The following ELMO2 variants were observed in gnomAD, a reference collection of about 807,000 sequenced individuals.
ELMO2 encodes engulfment and cell motility protein 2.
In ELMO2, 37 loss-of-function variants were observed where a neutral mutation model predicts 96.2. That is an observed-to-expected ratio of 0.38 (90% CI 0.30 to 0.51). The LOEUF (loss-of-function observed/expected upper bound fraction) is 0.51, where lower values mean the gene tolerates loss of function less well. ELMO2 is among the 20% of genes least tolerant of loss of function. ELMO2 has a pLI of 0.88. For missense variants in ELMO2, 561 were observed against 912.6 expected, an observed-to-expected ratio of 0.61 and a Z score of 4.96; for synonymous variants, 315 against 329.4, an observed-to-expected ratio of 0.96 and a Z score of 0.47.
intron 19 of ELMO2, among the ~76,000 whole-genome samples, chr20:46,370,780 G>T (rs2297053): frequency 6.6e-6 from 1 of 152,120 alleles, no homozygotes; most frequent in Non-Finnish European, 1.5e-5. Context: ...AGGGCTCTTG[G>T]ATTTATATCC....
Position 46,375,687 on chromosome 20 carries a change from T to G in ELMO2, c.911A>C (p.Lys304Thr), listed in dbSNP as rs2059847014. 2.5e-6 allele frequency: 4 copies of G among 1,614,150 alleles called. No individual in the cohort carries two copies. Among genetic ancestry groups the G allele is most frequent in the Non-Finnish European group, 3.4e-6 (4 of 1,179,974 alleles). ...FNLLEERMMT[K>T]MDPNDQAQRD... Reference sequence around the variant, plus strand: ...ACCTACCTGGTCATTGGGGTCCATCTTGGTCATCATCCTTTCTTCCAGAAG... The same window carrying G: ...ACCTACCTGGTCATTGGGGTCCATCGTGGTCATCATCCTTTCTTCCAGAAG... The change falls in exon 12 of 22, where the codon AAG (lysine) becomes ACG (threonine). Residue 304 changes from lysine (K) to threonine (T), a missense_variant. Physicochemically the swap from Lys to Thr is moderately conservative, Grantham distance 78. Transcript: ENST00000290246. The surrounding 1 kb of genome is among the most constrained non-coding windows in gnomAD (Gnocchi z 4.6).
chr20:46,403,810 G>A (rs184347418), intron 1 of ELMO2, among the ~76,000 whole-genome samples: 149 of 152,338 alleles, frequency 9.8e-4, no homozygotes, highest in African/African-American at 3.3e-3. Context: ...TAGGCCGGGC[G>A]CCGTGGCTCA....
At chr20:46,370,932 C>T (rs2059689779) in intron 19 of ELMO2, among the ~76,000 whole-genome samples, 1 of 152,216 alleles carries the variant, frequency 6.6e-6, no homozygotes, top group South Asian at 2.1e-4. Flanking sequence ...GCTTTGCATA[C>T]ATTACTCATG....
At position 46,367,559 on chromosome 20, in the gene ELMO2, T is replaced by A. The variant is rs999596170; in HGVS notation, c.1964A>T (p.Tyr655Phe). The A allele has an allele frequency of 3.1e-6, 5 of 1,599,778 alleles. No homozygotes were observed. Among genetic ancestry groups the A allele is most frequent in the Non-Finnish European group, 4.3e-6 (5 of 1,174,516 alleles). Residue 655 changes from tyrosine (Y) to phenylalanine (F), a missense_variant and splice_region_variant, in exon 22 of 22, where the codon TAC (tyrosine) becomes TTC (phenylalanine). Coordinates refer to ENST00000290246, the MANE Select transcript of ELMO2 (RefSeq NM_133171.5). The part of the protein sequence containing the change: ...LNFIAPNKYE[Y>F]CIWIDGLSAL... Reference sequence around the variant, plus strand: ...ACTGAGGCCATCAATCCAGATGCAGTACTGTGGGGAGCAAGTTGCAAAATG... The same window carrying A: ...ACTGAGGCCATCAATCCAGATGCAGAACTGTGGGGAGCAAGTTGCAAAATG...
intron 11 of ELMO2, among the ~76,000 whole-genome samples, chr20:46,377,120 T>C (rs911031381): frequency 2.0e-5 from 3 of 152,040 alleles, no homozygotes; most frequent in Admixed American, 2.0e-4. Flanking sequence ...TGACTCTAGA[T>C]CAATCTCTTT....
At chr20:46,373,306 A>T in intron 16 of ELMO2, 93 bp downstream of exon 16, 1 of 1,549,804 alleles carries the variant, frequency 6.5e-7, no homozygotes, top group Non-Finnish European at 8.8e-7. Context: ...CTGCTTTTCC[A>T]GCTCAGGGAT....
Position 46,389,218 on chromosome 20 carries a change from G to A in ELMO2, c.246C>T (p.Ser82=). The change falls in exon 7 of 22, where the codon TCC becomes TCT. Residue 82 remains serine (S), a splice_region_variant and synonymous_variant. Transcript: ENST00000290246. ...GTILQLAISP[S]RAARQLMERT... ...TCTCCATCAGCTGGCGTGCAGCCCG[G>A]GACTAGGAGGCCAGGGACAAGATAT... The A allele has an allele frequency of 6.2e-7, 1 of 1,613,494 alleles. No homozygotes were observed. The highest frequency in any genetic ancestry group is 8.5e-7 in the Non-Finnish European group (1 of 1,179,684).
chr20:46,373,636 C>T lies in ELMO2; in HGVS notation c.1280-101G>A. On this transcript the variant is annotated intron_variant, in intron 15 of 21. Coordinates refer to ENST00000290246, the MANE Select transcript of ELMO2 (RefSeq NM_133171.5). ...GCACCAAAGTCCCGAGGAACAAAAG[C>T]AGCCTAAGGCGCGCAATTAACAGGG... 3 of 1,475,900 alleles carry T rather than the reference C, an allele frequency of 2.0e-6. No individual in the cohort carries two copies. The South Asian group carries it at 3.9e-5, about 19-fold the overall frequency. 91.4% of individuals were successfully genotyped at this position (1,475,900 alleles called of 1,614,324 possible).
Position 46,387,322 on chromosome 20 carries a change from A to T in ELMO2, c.525+16T>A, listed in dbSNP as rs1355428759. ...AGCTGAGGGAGGAGAGAAAGACAGA[A>T]TGTTGGAGGCCTCACCTGCTTAATA... On this transcript the variant is annotated intron_variant, in intron 8 of 21. Coordinates refer to ENST00000290246, the MANE Select transcript of ELMO2 (RefSeq NM_133171.5). 1 of 1,610,934 alleles carries T rather than the reference A, an allele frequency of 6.2e-7. No homozygotes were observed. The highest frequency in any genetic ancestry group is 8.5e-7 in the Non-Finnish European group (1 of 1,177,334).
At chr20:46,370,861 G>A (rs1196455827) in intron 19 of ELMO2, among the ~76,000 whole-genome samples, 4 of 152,038 alleles carry the variant, frequency 2.6e-5, no homozygotes, top group African/African-American at 4.8e-5. Context: ...TGCCATCATC[G>A]CCAACAGCAG....
chr20:46,382,197 G>A (rs1304621567), intron 10 of ELMO2: 1 of 1,289,852 alleles, frequency 7.8e-7, no homozygotes, highest in South Asian at 1.2e-5. Context: ...ACATGGCAGT[G>A]CTACTTACAG....
chr20:46,387,483 C>A (rs372703601), intron 7 of ELMO2, 46 bp from the exon 8 acceptor site: 30 of 1,529,480 alleles, frequency 2.0e-5, no homozygotes, highest in Non-Finnish European at 2.4e-5. Flanking sequence ...AGATTCAGAT[C>A]GGGAAACACA....
In ELMO2 at chr20:46,393,214, A is replaced by T. The variant is rs1356534124; in HGVS notation, c.193-71T>A. 4 of 1,462,962 alleles carry T rather than the reference A, an allele frequency of 2.7e-6. No homozygotes were observed. In the African/African-American group the frequency reaches 5.6e-5, roughly 20 times the overall value. 90.6% of individuals were successfully genotyped at this position (1,462,962 alleles called of 1,614,324 possible). A position where few individuals can be genotyped will look rare whatever the true frequency, so the allele number is the denominator to read the frequency against. On this transcript the variant is annotated intron_variant, in intron 5 of 21. Transcript: ENST00000290246. ...TAAAGTGGTACAAGCAAGTTGAATCAACAATAATGTTTTGTCTTTTTTACA... is the reference window on the plus strand; with the variant it reads ...TAAAGTGGTACAAGCAAGTTGAATCTACAATAATGTTTTGTCTTTTTTACA...
At chr20:46,380,355 G>A (rs1448458505) in intron 10 of ELMO2, 52 bp from the exon 11 acceptor site, 7 of 1,426,852 alleles carry the variant, frequency 4.9e-6, no homozygotes, top group East Asian at 2.3e-5. Context: ...ACACACCTGT[G>A]ACTACTATCG....
chr20:46,380,194 CAAT>C lies in ELMO2; in HGVS notation c.807+56_807+58del, dbSNP rs2059931065. The C allele has an allele frequency of 3.6e-6, 5 of 1,380,740 alleles. No individual in the cohort carries two copies. In the South Asian group the frequency reaches 4.8e-5, roughly 13 times the overall value. The allele number at this position is 1,380,740 out of a possible 1,614,324, so 85.5% of individuals were successfully genotyped here. A position where few individuals can be genotyped will look rare whatever the true frequency, so the allele number is the denominator to read the frequency against. ...AATAATTTCAATAATAATATATTAA[CAAT>C]AACAGTAATAATTGTTGTTAATAGT... On this transcript the variant is annotated intron_variant, in intron 11 of 21. Coordinates refer to ENST00000290246, the MANE Select transcript of ELMO2 (RefSeq NM_133171.5).
At chr20:46,402,585 T>C (rs1204117719) in intron 1 of ELMO2, among the ~76,000 whole-genome samples, 1 of 151,864 alleles carries the variant, frequency 6.6e-6, no homozygotes, top group African/African-American at 2.4e-5. Context: ...AGGGAGGGAG[T>C]GTGGTGTGCT....
chr20:46,381,595 A>G (rs1186328007), intron 10 of ELMO2, among the ~76,000 whole-genome samples: 3 of 152,226 alleles, frequency 2.0e-5, no homozygotes, highest in African/African-American at 7.2e-5. Context: ...GTCGACTGAG[A>G]TTAAATCTTG....
chr20:46,380,406 CTTAAA>C (rs1395824153), intron 10 of ELMO2, 103 bp from the exon 11 acceptor site: 1 of 977,568 alleles, frequency 1.0e-6, no homozygotes, highest in East Asian at 2.4e-5. Context: ...TTTTTGCTTT[CTTAAA>C]TTTTTTTCCT....
At chr20:46,403,915 C>A (rs2060377720) in intron 1 of ELMO2, among the ~76,000 whole-genome samples, 1 of 152,130 alleles carries the variant, frequency 6.6e-6, no homozygotes, top group Non-Finnish European at 1.5e-5. Context: ...GAAACCCCGT[C>A]TCTACTAAAA....
Sources: gnomAD v4.1 joint callset for allele counts (sites outside exome capture counted in the v4.1 genomes callset) on GRCh38, gnomAD v4.1.1 for gene constraint, Gnocchi (gnomAD v3.1) non-coding constraint, MANE v1.5 for transcripts, NCBI Gene and HGNC (gene_info 2026-07-23, HGNC 2026-07-21) for gene names.